Variants in ROBO3 observed in about 807,000 individuals in gnomAD.
The protein encoded by ROBO3 is roundabout homolog 3.
In ROBO3, 97 loss-of-function variants were observed where a neutral mutation model predicts 160.5. The ratio of observed to expected loss-of-function variants is 0.60; its 90% CI spans 0.51 to 0.72. The LOEUF (loss-of-function observed/expected upper bound fraction) is 0.72. Ranked by LOEUF, ROBO3 falls within the 30% of genes least tolerant of loss-of-function variation. ROBO3 has a pLI of 0.00. For synonymous variants in ROBO3, 780 were observed against 746.2 expected, an observed-to-expected ratio of 1.05 and a Z score of -0.74; for missense variants, 1,858 against 1,846.5, an observed-to-expected ratio of 1.01 and a Z score of -0.11.
At chr11:124,875,482 C>G (rs1946344475) in intron 14 of ROBO3, 82 bp from the exon 15 acceptor site, 5 of 1,587,340 alleles carry the variant, frequency 3.1e-6, no homozygotes, top group Non-Finnish European at 4.3e-6. Context: ...GATGTTAGAA[C>G]AGGGAGGGGG....
At chr11:124,868,483 C>G (rs755024930) in intron 1 of ROBO3, 35 of 594,568 alleles carry the variant, frequency 5.9e-5, no homozygotes, top group Non-Finnish European at 9.6e-5. Flanking sequence ...AAGCGTGGTT[C>G]AGCCACTCCC....
intron 18 of ROBO3, 30 bp from the exon 19 acceptor site, chr11:124,877,237 C>G (rs1448665101): frequency 1.2e-6 from 2 of 1,613,860 alleles, no homozygotes; most frequent in Non-Finnish European, 1.7e-6. Context: ...GGGCCCTTCT[C>G]TCACTCATTC....
At position 124,876,191 on chromosome 11, in the gene ROBO3, G is replaced by C; in HGVS notation, c.2593+66G>C. 1 of 1,532,386 alleles carries C rather than the reference G, an allele frequency of 6.5e-7. No individual in the cohort carries two copies. The allele number at this position is 1,532,386 out of a possible 1,614,324, so 94.9% of individuals were successfully genotyped here. ...GCGGGGCAAGCCCCCCACTGGGGTA[G>C]CTGTGCCTGCCGGGTCGGGAATGAC... On this transcript the variant is annotated intron_variant, in intron 16 of 27. Coordinates refer to ENST00000397801, the MANE Select transcript of ROBO3 (RefSeq NM_022370.4). This position sits in a 1 kb window ranked among gnomAD's most constrained non-coding sequence, Gnocchi z 5.3.
intron 15 of ROBO3, 81 bp from the exon 16 acceptor site, chr11:124,875,873 T>C: frequency 6.7e-7 from 1 of 1,503,376 alleles, no homozygotes; most frequent in Non-Finnish European, 9.1e-7. Context: ...ATAAGGCTTC[T>C]CTACCATTTG....
intron 15 of ROBO3, 67 bp from the exon 16 acceptor site, chr11:124,875,887 C>G (rs140337602): frequency 0.024 from 36,632 of 1,537,750 alleles, 527 homozygotes; most frequent in Middle Eastern, 0.043. Context: ...CCATTTGGAG[C>G]CTTAAGTTTC....
chr11:124,866,102 G>C (rs1467840678), intron 1 of ROBO3, among the ~76,000 whole-genome samples: 1 of 152,204 alleles, frequency 6.6e-6, no homozygotes, highest in Non-Finnish European at 1.5e-5. Flanking sequence ...GTCTCCCGCC[G>C]GCCTCGGCCA....
Position 124,873,032 on chromosome 11 carries a change from G to T in ROBO3, c.1479G>T (p.Gly493=), listed in dbSNP as rs779493025. The T allele has an allele frequency of 1.9e-6, 3 of 1,613,922 alleles. No individual in the cohort carries two copies. In the South Asian group the frequency reaches 3.3e-5, roughly 18 times the overall value. Residue 493 remains glycine, a synonymous_variant, in exon 9 of 28, where the codon GGG becomes GGT. Coordinates refer to ENST00000397801, the MANE Select transcript of ROBO3 (RefSeq NM_022370.4). The surrounding 1 kb of genome is among the most constrained non-coding windows in gnomAD (Gnocchi z 4.5). ...RWKKDGQWLQ[G]DDLQFKTMAN... ...AGAAGGATGGGCAGTGGCTGCAGGG[G>T]GATGACCTCCAGTTCAAGACAATGG...
Position 124,873,599 on chromosome 11 carries a change from C to A in ROBO3, c.1619-98C>A. ...TACTATAGCCCACTCTGACCATCAC[C>A]GCAGCTCAGAGCTCCATAGCTCCCC... On this transcript the variant is annotated intron_variant, in intron 10 of 27. Coordinates refer to ENST00000397801, the MANE Select transcript of ROBO3 (RefSeq NM_022370.4). The surrounding 1 kb of genome is among the most constrained non-coding windows in gnomAD (Gnocchi z 4.5). 2 of 1,198,260 alleles carry A rather than the reference C, an allele frequency of 1.7e-6. No individual in the cohort carries two copies. The highest frequency in any genetic ancestry group is 1.2e-6 in the Non-Finnish European group (1 of 855,178). 74.2% of individuals were successfully genotyped at this position (1,198,260 alleles called of 1,614,324 possible).
At chr11:124,871,470 G>A (rs751844334) in intron 7 of ROBO3, among the ~76,000 whole-genome samples, 2 of 152,258 alleles carry the variant, frequency 1.3e-5, no homozygotes, top group Middle Eastern at 3.4e-3. Flanking sequence ...GACCCCTTGG[G>A]CTTTGGCTTT....
chr11:124,877,955 A>G lies in ROBO3; in HGVS notation c.3005A>G (p.Tyr1002Cys), dbSNP rs1282267279. The G allele has an allele frequency of 6.2e-7, 1 of 1,606,838 alleles. No homozygotes were observed. ...TCTGCAGAAGCGGGAATCTCCCTGT[A>G]TCTAGCTCAGACGGCCAGGGGCACG... Reference protein sequence around the residue: ...RYYNEAGISLYLAQTARGTAA... With the variant: ...RYYNEAGISLCLAQTARGTAA... Residue 1002 changes from tyrosine (Y) to cysteine (C), a missense_variant, in exon 21 of 28, where the codon TAT (tyrosine) becomes TGT (cysteine). Transcript: ENST00000397801.
rs781668599 is a variant in ROBO3 at position 124,878,839 on chromosome 11, A to G, written c.3533+43A>G. Reference sequence around the variant, plus strand: ...ACCTCACTCATTGCAAGCCCTCTATACGTATCTACTCAGTAGATGACTGGG... The same window carrying G: ...ACCTCACTCATTGCAAGCCCTCTATGCGTATCTACTCAGTAGATGACTGGG... On this transcript the variant is annotated intron_variant, in intron 23 of 27. Transcript: ENST00000397801. The surrounding 1 kb of genome is among the most constrained non-coding windows in gnomAD (Gnocchi z 4.3). The G allele has an allele frequency of 7.4e-6, 11 of 1,487,818 alleles. No homozygotes were observed. The highest frequency in any genetic ancestry group is 1.0e-5 in the Non-Finnish European group (11 of 1,076,852). The allele number at this position is 1,487,818 out of a possible 1,614,324, so 92.2% of individuals were successfully genotyped here. A position where few individuals can be genotyped will look rare whatever the true frequency, so the allele number is the denominator to read the frequency against.
chr11:124,866,311 TG>T (rs2135321780), intron 1 of ROBO3, among the ~76,000 whole-genome samples: 1 of 152,308 alleles, frequency 6.6e-6, no homozygotes, highest in South Asian at 2.1e-4. Context: ...CCGGCAGAGC[TG>T]TGGCGGGCGG....
In ROBO3 at chr11:124,875,207, C is replaced by T. The variant is rs765707576; in HGVS notation, c.2170C>T (p.Pro724Ser). Residue 724 changes from proline to serine, a missense_variant, in exon 14 of 28, where the codon CCA becomes TCA. Pro to Ser is a moderately conservative substitution (Grantham distance 74). Transcript: ENST00000397801. The part of the protein sequence containing the change: ...GSWTMLDLQS[P>S]SQQSTVLRGL... The stretch of plus-strand genomic sequence containing the variant: ...CTGGACAATGTTGGACCTACAGTCC[C>T]CAAGCCAGCAAAGTACTGTGCTAAG... The T allele has an allele frequency of 9.3e-6, 15 of 1,613,808 alleles. No homozygotes were observed. The highest frequency in any genetic ancestry group is 1.3e-5 in the Non-Finnish European group (15 of 1,179,844).
chr11:124,877,176 C>T lies in ROBO3; in HGVS notation c.2795C>T (p.Thr932Ile), dbSNP rs1219936280. ...TTTCTGGAAGCCTCTTTTGCCTACA[C>T]ACCGGCAGGTAAGCCATCTCTGCCC... ...LSHYTASFAY[T>I]PAVSFPHSEG... is the part of the protein sequence containing the mutation. The change falls in exon 18 of 28, where the codon ACA becomes ATA. Residue 932 changes from threonine to isoleucine, a missense_variant. By Grantham distance (89) the Thr-to-Ile change is moderately conservative (BLOSUM62 -1). Coordinates refer to ENST00000397801, the MANE Select transcript of ROBO3 (RefSeq NM_022370.4). The T allele has an allele frequency of 1.9e-6, 3 of 1,613,978 alleles. No homozygotes were observed. Among genetic ancestry groups the T allele is most frequent in the Non-Finnish European group, 2.5e-6 (3 of 1,179,874 alleles).
In ROBO3 at chr11:124,869,677, G is replaced by A. The variant is rs1946253746; in HGVS notation, c.645+70G>A. 2 of 1,463,726 alleles carry A rather than the reference G, an allele frequency of 1.4e-6. No individual in the cohort carries two copies. Among genetic ancestry groups the A allele is most frequent in the Non-Finnish European group, 1.8e-6 (2 of 1,090,856 alleles). 90.7% of individuals were successfully genotyped at this position (1,463,726 alleles called of 1,614,324 possible). On this transcript the variant is annotated intron_variant, in intron 3 of 27. Transcript: ENST00000397801. This position sits in a 1 kb window ranked among gnomAD's most constrained non-coding sequence, Gnocchi z 4.2. ...ATAGGGTAGGGAGGTGACAAGGCTG[G>A]AGATTGAGATCAGGGCATTAGCTAA... is the stretch of plus-strand genomic sequence containing the variant.
chr11:124,865,672 G>C lies in ROBO3; in HGVS notation c.95G>C (p.Gly32Ala). 6.2e-7 allele frequency: 1 copy of C among 1,612,350 alleles called. No homozygotes were observed. Among genetic ancestry groups the C allele is most frequent in the Non-Finnish European group, 8.5e-7 (1 of 1,179,450 alleles). The stretch of plus-strand genomic sequence containing the variant: ...TCCAACTCCAGCGAGCTGCTCTTGG[G>C]CTTCAACTCCTCGCTGGCGGCGCTC... ...DISNSSELLL[G>A]FNSSLAALNH... The change falls in exon 1 of 28, where the codon GGC becomes GCC. Residue 32 changes from glycine to alanine, a missense_variant. By Grantham distance (60) the Gly-to-Ala change is moderately conservative (BLOSUM62 0). Coordinates refer to ENST00000397801, the MANE Select transcript of ROBO3 (RefSeq NM_022370.4). This position sits in a 1 kb window ranked among gnomAD's most constrained non-coding sequence, Gnocchi z 5.5.
chr11:124,876,111 T>A lies in ROBO3; in HGVS notation c.2579T>A (p.Val860Glu), dbSNP rs1349433517. The A allele has an allele frequency of 1.2e-6, 2 of 1,603,502 alleles. No homozygotes were observed. The highest frequency in any genetic ancestry group is 1.7e-6 in the Non-Finnish European group (2 of 1,177,840). ...SAGVGVPSAP[V>E]LVQLPSPPDL... ...GGCGTGGGCGTGCCCAGTGCCCCAG[T>A]GCTGGTGCAGCTGCGTGAGTCCACC... Residue 860 changes from valine (V) to glutamate (E), a missense_variant, in exon 16 of 28, where the codon GTG becomes GAG. Coordinates refer to ENST00000397801, the MANE Select transcript of ROBO3 (RefSeq NM_022370.4). The surrounding 1 kb of genome is among the most constrained non-coding windows in gnomAD (Gnocchi z 5.3).
rs1421007257 is a variant in ROBO3 at position 124,870,308 on chromosome 11, G to C, written c.905+5G>C. 5 of 1,612,606 alleles carry C rather than the reference G, an allele frequency of 3.1e-6. No individual in the cohort carries two copies. The Admixed American group carries it at 8.4e-5, about 27-fold the overall frequency. ...TGGGGAACTGCCCACAGGCAGGTGA[G>C]AGACCCCCTTCTGCCTGTAGGAAGA... is the stretch of plus-strand genomic sequence containing the variant. On this transcript the variant is annotated splice_donor_5th_base_variant and intron_variant, in intron 5 of 27. Coordinates refer to ENST00000397801, the MANE Select transcript of ROBO3 (RefSeq NM_022370.4).
intron 1 of ROBO3, among the ~76,000 whole-genome samples, chr11:124,868,290 T>C (rs1471924616): frequency 2.0e-5 from 3 of 152,110 alleles, no homozygotes; most frequent in Non-Finnish European, 4.4e-5. Flanking sequence ...TTGCCTTTCA[T>C]AAGGGATCCC....
Sources: gnomAD v4.1 joint callset for allele counts (sites outside exome capture counted in the v4.1 genomes callset) on GRCh38, gnomAD v4.1.1 for gene constraint, Gnocchi (gnomAD v3.1) non-coding constraint, MANE v1.5 for transcripts, NCBI Gene and HGNC (gene_info 2026-07-23, HGNC 2026-07-21) for gene names.